Variants in SERP2 observed in about 807,000 individuals in gnomAD.
SERP2 encodes the protein stress-associated endoplasmic reticulum protein 2.
In SERP2, 6 loss-of-function variants were observed where a neutral mutation model predicts 9.1. That is an observed-to-expected ratio of 0.66 (90% confidence interval 0.36 to 1.30). SERP2 has a LOEUF of 1.30. Ranked by LOEUF, SERP2 falls within the 50% of genes most tolerant of loss-of-function variation. The probability of loss-of-function intolerance (pLI) is 0.03; values close to 1 mark genes in which losing one functional copy is unlikely to be tolerated. For missense variants in SERP2, 58 were observed against 81.9 expected (o/e 0.71, Z 1.13); for synonymous variants, 37 against 27.3 (o/e 1.35, Z -1.10).
At chr13:44,379,237 A>C (rs986231778) in intron 1 of SERP2, among the ~76,000 whole-genome samples, 2 of 152,230 alleles carry the variant, frequency 1.3e-5, no homozygotes, top group African/African-American at 4.8e-5. Context: ...CAACTCCAAA[A>C]TGGAAATAAT....
chr13:44,383,001 G>C (rs541480973), intron 2 of SERP2, among the ~76,000 whole-genome samples: 35 of 152,278 alleles, frequency 2.3e-4, no homozygotes, highest in Non-Finnish European at 4.4e-4. Context: ...CTGTTTGAGC[G>C]GAGTCTTGAA....
chr13:44,378,519 A>C (rs1871788782), intron 1 of SERP2, among the ~76,000 whole-genome samples: 1 of 152,248 alleles, frequency 6.6e-6, no homozygotes, highest in South Asian at 2.1e-4. Context: ...ATTGGGTTTT[A>C]TGAGATCAAC....
At chr13:44,396,304 C>CT (rs1873100572) in intron 2 of SERP2, among the ~76,000 whole-genome samples, 1 of 151,954 alleles carries the variant, frequency 6.6e-6, no homozygotes, top group Non-Finnish European at 1.5e-5. Flanking sequence ...CTGGATAACT[C>CT]TGTTTTACCG....
chr13:44,389,174 A>G (rs1347247449), intron 2 of SERP2, among the ~76,000 whole-genome samples: 1 of 152,214 alleles, frequency 6.6e-6, no homozygotes, highest in Non-Finnish European at 1.5e-5. Context: ...TTTGTGGCGT[A>G]TTGGGTGAAA....
At chr13:44,392,222 G>C (rs1258603825) in intron 2 of SERP2, among the ~76,000 whole-genome samples, 1 of 22,928 alleles carries the variant, frequency 4.4e-5, no homozygotes, top group Non-Finnish European at 1.0e-4. Context: ...AAGCCCTGTG[G>C]TGAGAGCAGG....
intron 1 of SERP2, among the ~76,000 whole-genome samples, chr13:44,378,741 G>A (rs923434005): frequency 1.3e-5 from 2 of 151,384 alleles, no homozygotes; most frequent in African/African-American, 2.4e-5. Flanking sequence ...GAAAATATTT[G>A]TTGTTCTGAC....
intron 2 of SERP2, among the ~76,000 whole-genome samples, chr13:44,389,879 C>T (rs1198573248): frequency 6.6e-6 from 1 of 152,208 alleles, no homozygotes; most frequent in African/African-American, 2.4e-5. Context: ...AGGCTCTACA[C>T]ATACATCTCC....
Position 44,389,189 on chromosome 13 carries a change from C to T in SERP2, c.158-8083C>T, listed in dbSNP as rs549001860. Among the ~76,000 whole-genome samples the T allele has an allele frequency of 1.7e-3, 256 of 152,290 alleles. 2 individuals carry two copies. The highest frequency in any genetic ancestry group is 5.0e-4 in the Non-Finnish European group (34 of 68,022). ...TTTGTGGCGTATTGGGTGAAAGCCACCACATTAGCATGTGCACATGCCATA... is the reference window on the plus strand; with the variant it reads ...TTTGTGGCGTATTGGGTGAAAGCCATCACATTAGCATGTGCACATGCCATA... On this transcript the variant is annotated intron_variant, in intron 2 of 2. Coordinates refer to ENST00000379179, the MANE Select transcript of SERP2 (RefSeq NM_001010897.3).
chr13:44,374,161 GGGCGGAA>G, intron 1 of SERP2, 52 bp downstream of exon 1: 1 of 588,652 alleles, frequency 1.7e-6, no homozygotes, highest in Admixed American at 4.3e-5. Context: ...CGGCGGGGTG[GGGCGGAA>G]GGTGGGGGCG....
chr13:44,379,571 C>A, intron 1 of SERP2, 70 bp from the exon 2 acceptor site: 1 of 1,180,964 alleles, frequency 8.5e-7, no homozygotes, highest in Non-Finnish European at 1.3e-6. Flanking sequence ...TAGCACAATG[C>A]CTAGTGATAC....
At chr13:44,373,701 T>G (rs1449267588), upstream of SERP2, 1 of 317,618 alleles carries the variant, frequency 3.1e-6, no homozygotes, top group Non-Finnish European at 5.8e-6. This position sits in a 1 kb window ranked among gnomAD's most constrained non-coding sequence, Gnocchi z 4.8. Flanking sequence ...CGCGCTGCGC[T>G]CCGGCCGCTC....
At chr13:44,373,810 T>C (rs1288100991), upstream of SERP2, 6 of 504,498 alleles carry the variant, frequency 1.2e-5, no homozygotes, top group African/African-American at 1.2e-4. The surrounding 1 kb of genome is among the most constrained non-coding windows in gnomAD (Gnocchi z 4.8). Flanking sequence ...AAGGGTTTCC[T>C]GAGATGAGAG....
intron 2 of SERP2, among the ~76,000 whole-genome samples, chr13:44,396,435 A>C (rs74826193): frequency 7.0e-6 from 1 of 142,496 alleles, no homozygotes; most frequent in Non-Finnish European, 1.5e-5. Context: ...CCCTCCTTCA[A>C]AAAAAAAAAA....
chr13:44,391,812 T>A lies in SERP2; in HGVS notation c.158-5460T>A, dbSNP rs1354295388. Among the ~76,000 whole-genome samples, 307 of 152,172 alleles carry A rather than the reference T, an allele frequency of 2.0e-3. 1 individual carries two copies. The highest frequency in any genetic ancestry group is 7.0e-3 in the African/African-American group (292 of 41,520). Reference sequence around the variant, plus strand: ...CAAGTCTGAGAACCTCTGCTCCAGGTGATCAAAGAAGGCTTCTCTGAAGAC... The same window carrying A: ...CAAGTCTGAGAACCTCTGCTCCAGGAGATCAAAGAAGGCTTCTCTGAAGAC... On this transcript the variant is annotated intron_variant, in intron 2 of 2. Transcript: ENST00000379179.
At chr13:44,384,731 T>G (rs932577139) in intron 2 of SERP2, among the ~76,000 whole-genome samples, 2 of 152,208 alleles carry the variant, frequency 1.3e-5, no homozygotes, top group Non-Finnish European at 2.9e-5. Context: ...AGTGGGACCT[T>G]GGAGGTCATA....
At chr13:44,395,882 A>G (rs973501123) in intron 2 of SERP2, 3 of 454,254 alleles carry the variant, frequency 6.6e-6, no homozygotes, top group African/African-American at 6.0e-5. Flanking sequence ...GATGAGAAGA[A>G]AGAGACCCAA....
At chr13:44,390,985 T>C (rs1872718540) in intron 2 of SERP2, 1 of 152,250 alleles carries the variant, frequency 6.6e-6, no homozygotes, top group Admixed American at 6.5e-5. Flanking sequence ...TGTCTTCTTC[T>C]CCTAAAGGAT....
chr13:44,397,365 G>A lies in SERP2; in HGVS notation c.*53G>A, dbSNP rs1000567394. 9.2e-6 allele frequency: 13 copies of A among 1,414,508 alleles called. No homozygotes were observed. In the African/African-American group the frequency reaches 1.5e-4, roughly 17 times the overall value. The allele number at this position is 1,414,508 out of a possible 1,614,324, so 87.6% of individuals were successfully genotyped here. On this transcript the variant is annotated 3_prime_UTR_variant, in exon 3 of 3. Transcript: ENST00000379179. ...CTCCCACTGGAGGCGGGAGGACAAC[G>A]GAAGCGGTCAGCCAGTTTCTGCGGG...
At chr13:44,373,712 G>C (rs1002814057), upstream of SERP2, 3 of 333,692 alleles carry the variant, frequency 9.0e-6, no homozygotes, top group Non-Finnish European at 1.6e-5. The surrounding 1 kb of genome is among the most constrained non-coding windows in gnomAD (Gnocchi z 4.8). Flanking sequence ...CCGGCCGCTC[G>C]GCGCGGGAGG....
Sources: gnomAD v4.1 joint callset for allele counts (sites outside exome capture counted in the v4.1 genomes callset) on GRCh38, gnomAD v4.1.1 for gene constraint, Gnocchi (gnomAD v3.1) non-coding constraint, MANE v1.5 for transcripts, NCBI Gene and HGNC (gene_info 2026-07-23, HGNC 2026-07-21) for gene names.